BAIAP2L1: variants seen among roughly 807,000 people sequenced by gnomAD.
The protein encoded by BAIAP2L1 is BAR/IMD domain-containing adapter protein 2-like 1.
A neutral mutation model predicts 66.3 loss-of-function variants in BAIAP2L1; 35 were observed. The ratio of observed to expected loss-of-function variants is 0.53; its 90% CI spans 0.40 to 0.70. The LOEUF is 0.70. Among genes scored for constraint, BAIAP2L1 ranks in the 30% least tolerant of loss-of-function variants. The pLI is 0.00. For missense variants in BAIAP2L1, 622 were observed against 656.9 expected (o/e 0.95, Z 0.58); for synonymous variants, 269 against 248.7 (o/e 1.08, Z -0.77).
At chr7:98,398,164 G>C (rs1803261574) in intron 1 of BAIAP2L1, among the ~76,000 whole-genome samples, 1 of 152,124 alleles carries the variant, frequency 6.6e-6, no homozygotes, top group South Asian at 2.1e-4. Context: ...TGGTTGTGTT[G>C]CATTTCTATT....
intron 3 of BAIAP2L1, among the ~76,000 whole-genome samples, chr7:98,325,488 G>A (rs918664408): frequency 1.3e-5 from 2 of 152,016 alleles, no homozygotes; most frequent in African/African-American, 4.8e-5. Context: ...GACCAGCCTG[G>A]CCAACATGGG....
Position 98,292,837 on chromosome 7 carries a change from G to A in BAIAP2L1, c.*684C>T, listed in dbSNP as rs1439846546. ...TGGATGGGCCGTGTGCAGCGAATCC[G>A]TTGGCGACTCCTAACTACCAAGAAA... On this transcript the variant is annotated 3_prime_UTR_variant, in exon 14 of 14. Transcript: ENST00000005260. The A allele has an allele frequency of 2.7e-6, 4 of 1,466,128 alleles. No individual in the cohort carries two copies. Among genetic ancestry groups the A allele is most frequent in the South Asian group, 1.4e-5 (1 of 69,982 alleles). The allele number at this position is 1,466,128 out of a possible 1,614,324, so 90.8% of individuals were successfully genotyped here.
intron 12 of BAIAP2L1, among the ~76,000 whole-genome samples, chr7:98,298,266 C>T (rs938997005): frequency 2.6e-5 from 4 of 152,100 alleles, no homozygotes; most frequent in East Asian, 1.9e-4. Context: ...CAGTGTCACA[C>T]GACCTGTAAC....
At chr7:98,299,772 G>A (rs1800344340) in intron 12 of BAIAP2L1, among the ~76,000 whole-genome samples, 2 of 152,198 alleles carry the variant, frequency 1.3e-5, no homozygotes, top group South Asian at 4.1e-4. Flanking sequence ...CGGGCGCAGT[G>A]ACTCACGCCT....
At chr7:98,391,122 G>A (rs1373189514) in intron 1 of BAIAP2L1, among the ~76,000 whole-genome samples, 11 of 151,554 alleles carry the variant, frequency 7.3e-5, no homozygotes, top group African/African-American at 1.9e-4. Context: ...GATTACAGGC[G>A]TGAGCCACTG....
chr7:98,310,772 C>T (rs895241210), intron 8 of BAIAP2L1, among the ~76,000 whole-genome samples, 180 bp from the exon 9 acceptor site: 4 of 151,960 alleles, frequency 2.6e-5, no homozygotes, highest in Admixed American at 6.6e-5. Context: ...CTGCAACCTC[C>T]GCCTCCCAGT....
intron 3 of BAIAP2L1, among the ~76,000 whole-genome samples, chr7:98,335,764 C>A (rs1434058505): frequency 2.6e-5 from 4 of 152,112 alleles, no homozygotes; most frequent in African/African-American, 9.7e-5. Flanking sequence ...CCGGCAGATG[C>A]CCCTGAAGGA....
intron 3 of BAIAP2L1, among the ~76,000 whole-genome samples, chr7:98,323,665 A>T (rs1395792810): frequency 6.6e-6 from 1 of 152,216 alleles, no homozygotes; most frequent in Non-Finnish European, 1.5e-5. Flanking sequence ...GGCTTCCCGC[A>T]GCATGGCGGA....
intron 1 of BAIAP2L1, among the ~76,000 whole-genome samples, chr7:98,374,565 C>T (rs1047670998): frequency 6.6e-6 from 1 of 152,032 alleles, no homozygotes; most frequent in Admixed American, 6.6e-5. Context: ...GATGAAAATG[C>T]ATTTTATGAG....
intron 3 of BAIAP2L1, among the ~76,000 whole-genome samples, chr7:98,348,028 T>C (rs762182175): frequency 6.6e-6 from 1 of 151,860 alleles, no homozygotes; most frequent in African/African-American, 2.4e-5. Context: ...AGGAGAAATA[T>C]CTAATGTAGA....
intron 10 of BAIAP2L1, 37 bp from the exon 11 acceptor site, chr7:98,306,553 T>A: frequency 6.2e-7 from 1 of 1,613,978 alleles, no homozygotes; most frequent in Non-Finnish European, 8.5e-7. Context: ...CTATCAGCAG[T>A]AGACATGTGG....
At chr7:98,322,509 C>T (rs566929772) in intron 3 of BAIAP2L1, among the ~76,000 whole-genome samples, 1 of 152,302 alleles carries the variant, frequency 6.6e-6, no homozygotes, top group African/African-American at 2.4e-5. Flanking sequence ...AGGCCATCAT[C>T]GGAGCCACCT....
intron 1 of BAIAP2L1, among the ~76,000 whole-genome samples, chr7:98,387,863 T>C (rs1467039901): frequency 6.7e-6 from 1 of 149,104 alleles, no homozygotes; most frequent in Non-Finnish European, 1.5e-5. Context: ...GTTAAGACCC[T>C]GTCTCAAAAC....
At chr7:98,319,959 C>T (rs1801197918) in intron 5 of BAIAP2L1, 99 bp downstream of exon 5, 3 of 952,176 alleles carry the variant, frequency 3.2e-6, no homozygotes, top group South Asian at 3.1e-5. Context: ...GAGCTTCTCT[C>T]CTGTCTGCTG....
At chr7:98,341,255 A>C (rs1413698390) in intron 3 of BAIAP2L1, among the ~76,000 whole-genome samples, 1 of 152,210 alleles carries the variant, frequency 6.6e-6, no homozygotes, top group East Asian at 1.9e-4. Context: ...GCTGAGAAAA[A>C]TCCAACAAAA....
chr7:98,293,067 C>T lies in BAIAP2L1; in HGVS notation c.*454G>A. ...TTATATTGCTTAAAATTATGATTTGCATGCTAAGATGCAAACTTACGTGAT... is the reference window on the plus strand; with the variant it reads ...TTATATTGCTTAAAATTATGATTTGTATGCTAAGATGCAAACTTACGTGAT... On this transcript the variant is annotated 3_prime_UTR_variant, in exon 14 of 14. Transcript: ENST00000005260. 1.3e-6 allele frequency: 1 copy of T among 753,176 alleles called. No homozygotes were observed. Among genetic ancestry groups the T allele is most frequent in the Non-Finnish European group, 1.7e-6 (1 of 599,090 alleles). 46.7% of individuals were successfully genotyped at this position (753,176 alleles called of 1,614,324 possible). A position where few individuals can be genotyped will look rare whatever the true frequency, so the allele number is the denominator to read the frequency against.
At position 98,292,109 on chromosome 7, in the gene BAIAP2L1, G is replaced by A. The variant is rs1264333714; in HGVS notation, c.*1412C>T. 1 of 155,014 alleles carries A rather than the reference G, an allele frequency of 6.5e-6. No homozygotes were observed. The highest frequency in any genetic ancestry group is 2.4e-5 in the African/African-American group (1 of 41,482). The allele number at this position is 155,014 out of a possible 1,614,324, so 9.6% of individuals were successfully genotyped here. ...AGCAGATGGTAACACTGCTGGACCT[G>A]GCTGGAAGGAGCCTGAAGCATCGGC... is the stretch of plus-strand genomic sequence containing the variant. On this transcript the variant is annotated 3_prime_UTR_variant, in exon 14 of 14. Coordinates refer to ENST00000005260, the MANE Select transcript of BAIAP2L1 (RefSeq NM_018842.5).
At chr7:98,307,955 T>A in intron 9 of BAIAP2L1, 59 bp from the exon 10 acceptor site, 1 of 1,505,052 alleles carries the variant, frequency 6.6e-7, no homozygotes, top group Non-Finnish European at 9.2e-7. Flanking sequence ...ATAGGCACAT[T>A]CCAATGAGCA....
intron 3 of BAIAP2L1, among the ~76,000 whole-genome samples, chr7:98,353,020 A>G (rs1584478385): frequency 6.6e-6 from 1 of 151,906 alleles, no homozygotes; most frequent in Non-Finnish European, 1.5e-5. Context: ...GACTCCCCCA[A>G]ATATCCTAGG....
Sources: allele counts gnomAD v4.1 joint callset (sites outside exome capture counted in the v4.1 genomes callset), GRCh38; gene constraint gnomAD v4.1.1; transcripts MANE v1.5; gene names NCBI Gene and HGNC (gene_info 2026-07-23, HGNC 2026-07-21).